Variants in CNTN5 observed in about 807,000 individuals in gnomAD.
The protein encoded by CNTN5 is contactin-5.
Under a neutral mutation model 129.1 loss-of-function variants are expected in CNTN5, and 77 were observed. That is an observed-to-expected ratio of 0.60 (90% CI 0.50 to 0.72). CNTN5 has a LOEUF of 0.72. CNTN5 is among the 30% of genes least tolerant of loss of function. The probability of loss-of-function intolerance (pLI) is 0.00; values close to 1 mark genes in which losing one functional copy is unlikely to be tolerated. For missense variants in CNTN5, 1,478 were observed against 1,328.8 expected (o/e 1.11, Z -1.75); for synonymous variants, 509 against 465.6 (o/e 1.09, Z -1.20).
intron 3 of CNTN5, among the ~76,000 whole-genome samples, chr11:99,804,585 A>G (rs1946213534): frequency 6.6e-6 from 1 of 151,432 alleles, no homozygotes; most frequent in African/African-American, 2.4e-5. Context: ...TATTTTTATA[A>G]TCTTATAAAT....
chr11:100,036,902 TGTC>T (rs1247125184), intron 9 of CNTN5, among the ~76,000 whole-genome samples: 1 of 147,262 alleles, frequency 6.8e-6, no homozygotes, highest in Non-Finnish European at 1.5e-5. Flanking sequence ...TGTGCATTCA[TGTC>T]GTCTGCAAAC....
chr11:99,404,026 C>T (rs1451218065), intron 2 of CNTN5, among the ~76,000 whole-genome samples: 4 of 151,972 alleles, frequency 2.6e-5, no homozygotes, highest in South Asian at 2.1e-4. Context: ...CTTTATATAC[C>T]TGGGTGCTCT....
intron 2 of CNTN5, among the ~76,000 whole-genome samples, chr11:99,518,316 T>G (rs545951219): frequency 6.6e-6 from 1 of 152,214 alleles, no homozygotes; most frequent in Non-Finnish European, 1.5e-5. Flanking sequence ...GTTGGAGGTA[T>G]TCAAAGGACT....
At chr11:99,233,058 C>T (rs1320072156) in intron 1 of CNTN5, among the ~76,000 whole-genome samples, 1 of 152,196 alleles carries the variant, frequency 6.6e-6, no homozygotes, top group Non-Finnish European at 1.5e-5. Flanking sequence ...GAAGAATCAT[C>T]TTCAAGTCAA....
At chr11:99,339,762 A>G (rs1376103206) in intron 2 of CNTN5, among the ~76,000 whole-genome samples, 3 of 146,498 alleles carry the variant, frequency 2.0e-5, no homozygotes, top group Non-Finnish European at 4.5e-5. Context: ...AGCCTGCGCT[A>G]CAGAGTGAGA....
rs189494401 is a variant in CNTN5 at position 99,254,619 on chromosome 11, G to A, written c.-209-70727G>A. Among the ~76,000 whole-genome samples the A allele has an allele frequency of 2.0e-5, 3 of 151,988 alleles. No homozygotes were observed. The East Asian group carries it at 5.8e-4, about 29-fold the overall frequency. ...TCCTTATTACTGAAGTTGAATTGTTGATACCTTGAATGTTCCTATTTTAGT... is the reference window on the plus strand; with the variant it reads ...TCCTTATTACTGAAGTTGAATTGTTAATACCTTGAATGTTCCTATTTTAGT... On this transcript the variant is annotated intron_variant, in intron 1 of 24. Transcript: ENST00000524871.
chr11:99,617,931 A>C (rs957556578), intron 3 of CNTN5, among the ~76,000 whole-genome samples: 1 of 152,204 alleles, frequency 6.6e-6, no homozygotes, highest in African/African-American at 2.4e-5. Context: ...CATATTACTC[A>C]ACAACAAAGC....
intron 3 of CNTN5, among the ~76,000 whole-genome samples, chr11:99,787,091 T>G (rs752559017): frequency 0.023 from 69 of 2,974 alleles, no homozygotes; most frequent in East Asian, 0.19. Flanking sequence ...AAACTACATG[T>G]TTTTTTTTTG....
intron 3 of CNTN5, among the ~76,000 whole-genome samples, chr11:99,656,032 G>A (rs1461162656): frequency 6.6e-6 from 1 of 151,996 alleles, no homozygotes; most frequent in Non-Finnish European, 1.5e-5. Flanking sequence ...ACAGGTATGT[G>A]TGTATGTGTG....
intron 16 of CNTN5, among the ~76,000 whole-genome samples, chr11:100,240,348 C>T (rs1029123455): frequency 1.3e-5 from 2 of 152,090 alleles, no homozygotes; most frequent in African/African-American, 2.4e-5. Flanking sequence ...TCACTGTCAC[C>T]GTATGACAGC....
chr11:99,090,721 GAA>G (rs934808247), intron 1 of CNTN5, among the ~76,000 whole-genome samples: 4 of 94,118 alleles, frequency 4.2e-5, no homozygotes, highest in South Asian at 3.4e-4. Flanking sequence ...GTGCTCACCA[GAA>G]AAAAAAAAAA....
intron 1 of CNTN5, among the ~76,000 whole-genome samples, chr11:99,307,045 T>C (rs1361606225): frequency 1.3e-5 from 2 of 152,106 alleles, no homozygotes; most frequent in East Asian, 1.9e-4. Flanking sequence ...AATGAGATAA[T>C]AAGTATACAG....
intron 3 of CNTN5, among the ~76,000 whole-genome samples, chr11:99,789,640 T>G (rs980644606): frequency 9.9e-5 from 15 of 152,050 alleles, no homozygotes; most frequent in African/African-American, 3.1e-4. Flanking sequence ...TATTGTATTT[T>G]AGAATATGTT....
At chr11:100,079,887 A>C (rs1944291174) in intron 13 of CNTN5, among the ~76,000 whole-genome samples, 1 of 152,132 alleles carries the variant, frequency 6.6e-6, no homozygotes, top group African/African-American at 2.4e-5. Flanking sequence ...CCAGCTCATT[A>C]TTTCCATTAC....
chr11:99,712,831 G>C (rs962416717), intron 3 of CNTN5, among the ~76,000 whole-genome samples: 1 of 151,964 alleles, frequency 6.6e-6, no homozygotes, highest in South Asian at 2.1e-4. Flanking sequence ...CTGCTCCATC[G>C]GTCTATATAT....
At chr11:99,071,495 T>C (rs574778006) in intron 1 of CNTN5, among the ~76,000 whole-genome samples, 1 of 152,256 alleles carries the variant, frequency 6.6e-6, no homozygotes, top group South Asian at 2.1e-4. Flanking sequence ...TTGCACGTAA[T>C]ATATGGATTA....
In CNTN5 at chr11:100,060,598, C is replaced by G. The variant is rs570732878; in HGVS notation, c.981-614C>G. Among the ~76,000 whole-genome samples, 10 of 151,230 alleles carry G rather than the reference C, an allele frequency of 6.6e-5. No individual in the cohort carries two copies. The South Asian group carries it at 1.9e-3, about 29-fold the overall frequency. On this transcript the variant is annotated intron_variant, in intron 9 of 24. Transcript: ENST00000524871. ...AGCACATATATGTTAGTAATTTTGC[C>G]AAGTTACTGTTGTCATTTACAAAAA...
intron 9 of CNTN5, among the ~76,000 whole-genome samples, chr11:100,045,473 T>C (rs1311594653): frequency 6.6e-6 from 1 of 152,068 alleles, no homozygotes; most frequent in Non-Finnish European, 1.5e-5. Context: ...TCTTTTACCA[T>C]GGAGAAAATA....
At chr11:100,138,854 T>C (rs1166311604) in intron 13 of CNTN5, among the ~76,000 whole-genome samples, 4 of 152,060 alleles carry the variant, frequency 2.6e-5, no homozygotes, top group African/African-American at 9.7e-5. Context: ...TTGTACAAAT[T>C]TTAGGCAAGA....
Sources: allele counts gnomAD v4.1 joint callset (sites outside exome capture counted in the v4.1 genomes callset), GRCh38; gene constraint gnomAD v4.1.1; transcripts MANE v1.5; gene names NCBI Gene and HGNC (gene_info 2026-07-23, HGNC 2026-07-21).